NAV1: variants seen among roughly 807,000 people sequenced by gnomAD.
The protein encoded by NAV1 is neuron navigator 1.
A neutral mutation model predicts 175.2 loss-of-function variants in NAV1; 18 were observed. The observed-to-expected ratio is 0.10, with a 90% CI of 0.07 to 0.15. NAV1 has a LOEUF of 0.15. Ranked by LOEUF, NAV1 falls within the 10% of genes least tolerant of loss-of-function variation. The pLI is 1.00. For missense variants in NAV1, 1,731 were observed against 2,436.6 expected (o/e 0.71, Z 6.10); for synonymous variants, 897 against 978.7 (o/e 0.92, Z 1.56).
At chr1:201,691,379 AG>A (rs34392540) in intron 1 of NAV1, among the ~76,000 whole-genome samples, 6,975 of 152,330 alleles carry the variant, frequency 0.046, 219 homozygotes, top group South Asian at 0.067. Context: ...AAGTGGTCTG[AG>A]GTTTAGGAAG....
chr1:201,625,373 A>G (rs979807000), intron 1 of NAV1, among the ~76,000 whole-genome samples: 1 of 152,144 alleles, frequency 6.6e-6, no homozygotes, highest in African/African-American at 2.4e-5. Flanking sequence ...GCTCAAGAGC[A>G]AGAACTTTCC....
intron 1 of NAV1, among the ~76,000 whole-genome samples, chr1:201,668,234 C>G (rs1239588152): frequency 6.6e-6 from 1 of 152,136 alleles, no homozygotes; most frequent in Non-Finnish European, 1.5e-5. Flanking sequence ...TAGGAGGCTC[C>G]CATCCCTCCG....
chr1:201,722,982 G>A (rs181798266), intron 3 of NAV1, among the ~76,000 whole-genome samples: 79 of 152,278 alleles, frequency 5.2e-4, no homozygotes, highest in Non-Finnish European at 2.5e-4. Flanking sequence ...GTGGTGGTGC[G>A]TGCCTGTAAT....
At chr1:201,549,124 T>TTTCTTTCTTTCC (rs1557992205) in intron 1 of NAV1, among the ~76,000 whole-genome samples, 1 of 149,616 alleles carries the variant, frequency 6.7e-6, no homozygotes, top group East Asian at 1.9e-4. Flanking sequence ...TCTTTCTTTC[T>TTTCTTTCTTTCC]TTCTTTCTTT....
chr1:201,618,813 A>G (rs1234106081), upstream of NAV1, among the ~76,000 whole-genome samples: 1 of 152,212 alleles, frequency 6.6e-6, no homozygotes, highest in Non-Finnish European at 1.5e-5. Flanking sequence ...TCTCAATACA[A>G]GGGACTGTTA....
chr1:201,781,115 G>A, exon 5 of NAV1: 1 of 1,614,226 alleles, frequency 6.2e-7, no homozygotes, highest in Non-Finnish European at 8.5e-7. Flanking sequence ...GACAGTGGTA[G>A]CCTGAAGATG....
intron 1 of NAV1, among the ~76,000 whole-genome samples, chr1:201,578,695 A>C (rs888530832): frequency 1.3e-5 from 2 of 152,194 alleles, no homozygotes; most frequent in African/African-American, 4.8e-5. Context: ...GGTGAACTCT[A>C]GGCTCCCCAC....
In NAV1 at chr1:201,782,983, T is replaced by C. The variant is rs572867663; in HGVS notation, c.2357+114T>C. ...CCTATCCACCGTTGTCTCTAGGCCT[T>C]TGCATGGCTCTTTCCCACCTCTCCC... On this transcript the variant is annotated intron_variant, in intron 6 of 29. Coordinates refer to ENST00000367296, the Ensembl canonical transcript of NAV1. This position sits in a 1 kb window ranked among gnomAD's most constrained non-coding sequence, Gnocchi z 5.4. 9.2e-6 allele frequency: 8 copies of C among 868,134 alleles called. No homozygotes were observed. In the East Asian group the frequency reaches 1.9e-4, roughly 20 times the overall value. 53.8% of individuals were successfully genotyped at this position (868,134 alleles called of 1,614,324 possible).
chr1:201,583,221 G>A (rs1490515771), intron 1 of NAV1, among the ~76,000 whole-genome samples: 1 of 152,240 alleles, frequency 6.6e-6, no homozygotes, highest in Non-Finnish European at 1.5e-5. Context: ...CTCACGCTGC[G>A]TCAGGCTCGC....
chr1:201,579,259 A>G (rs1040936417), intron 1 of NAV1, among the ~76,000 whole-genome samples: 3 of 152,174 alleles, frequency 2.0e-5, no homozygotes, highest in Non-Finnish European at 1.5e-5. Context: ...TGACTTCTTC[A>G]GCTCCAAGTC....
Position 201,718,539 on chromosome 1 carries a change from G to C in NAV1, c.1010G>C (p.Cys337Ser). Residue 337 changes from cysteine to serine, a missense_variant, in exon 3 of 30, where the codon TGC becomes TCC. Physicochemically the swap from Cys to Ser is moderately radical, Grantham distance 112. This residue lies in a region of NAV1 where 487 missense variants were observed against 581.3 expected (regional missense o/e 0.84). Transcript: ENST00000367296. The surrounding 1 kb of genome is among the most constrained non-coding windows in gnomAD (Gnocchi z 4.8). ...GACGCGCCCTCTGTGGGTGGGAGCT[G>C]CCGCTCGGAGGGGACGCCCGCCTGG... 1 of 1,612,552 alleles carries C rather than the reference G, an allele frequency of 6.2e-7. No individual in the cohort carries two copies. Among genetic ancestry groups the C allele is most frequent in the Non-Finnish European group, 8.5e-7 (1 of 1,179,212 alleles).
intron 3 of NAV1, among the ~76,000 whole-genome samples, chr1:201,761,121 G>A (rs1482549452): frequency 3.3e-5 from 5 of 152,088 alleles, no homozygotes; most frequent in East Asian, 1.9e-4. Context: ...TAAGGAGACC[G>A]TGAACAGAAA....
At chr1:201,640,668 C>T (rs1346844640) in intron 2 of NAV1, among the ~76,000 whole-genome samples, 1 of 152,158 alleles carries the variant, frequency 6.6e-6, no homozygotes, top group African/African-American at 2.4e-5. Flanking sequence ...TCACTCTGGC[C>T]CAGGGCTTCA....
intron 3 of NAV1, among the ~76,000 whole-genome samples, chr1:201,765,405 T>G (rs531082240): frequency 2.6e-5 from 3 of 115,934 alleles, no homozygotes; most frequent in Non-Finnish European, 5.9e-5. Context: ...TTTTTTTTTC[T>G]TTTTTTTGAG....
chr1:201,703,024 C>A (rs1337433872), intron 1 of NAV1, among the ~76,000 whole-genome samples: 1 of 152,132 alleles, frequency 6.6e-6, no homozygotes, highest in African/African-American at 2.4e-5. Flanking sequence ...AACCAGAAAT[C>A]CCCCAGGGCC....
chr1:201,806,405 C>T (rs1678286335), intron 17 of NAV1, among the ~76,000 whole-genome samples: 1 of 152,172 alleles, frequency 6.6e-6, no homozygotes, highest in South Asian at 2.1e-4. Flanking sequence ...GAACCACTAG[C>T]CACATAACAC....
rs534818560 is a variant in NAV1 at position 201,651,975 on chromosome 1, G to A, written c.757+2550G>A. On this transcript the variant is annotated intron_variant, in intron 1 of 29. Transcript: ENST00000367296. ...AACTAAGCTTTTCCCTGTGTGAAGG[G>A]CAGAGGGTAGACTGCCTGGGGGAGG... is the stretch of plus-strand genomic sequence containing the variant. 3.3e-5 allele frequency among the ~76,000 whole-genome samples: 5 copies of A among 152,208 alleles called. No individual in the cohort carries two copies. In the South Asian group the frequency reaches 1.0e-3, roughly 32 times the overall value.
At chr1:201,737,669 C>G (rs903767570) in intron 3 of NAV1, among the ~76,000 whole-genome samples, 32 of 152,242 alleles carry the variant, frequency 2.1e-4, no homozygotes, top group Middle Eastern at 3.4e-3. Context: ...CACAAGACCC[C>G]TGTCCCTCCA....
chr1:201,642,167 C>CCCTTCCTT (rs1553246977), intron 2 of NAV1, among the ~76,000 whole-genome samples: 2 of 116,446 alleles, frequency 1.7e-5, no homozygotes, highest in African/African-American at 7.2e-5. Context: ...TCTCTCCCCT[C>CCCTTCCTT]CCTTCCTTCC....
Sources: allele counts gnomAD v4.1 joint callset (sites outside exome capture counted in the v4.1 genomes callset), GRCh38; gene constraint gnomAD v4.1.1; regional missense constraint gnomAD v4.1.1; non-coding constraint Gnocchi (gnomAD v3.1); transcripts MANE v1.5; gene names NCBI Gene and HGNC (gene_info 2026-07-23, HGNC 2026-07-21).